Variants in MMACHC observed in about 807,000 individuals in gnomAD.
The protein encoded by MMACHC is cyanocobalamin reductase / alkylcobalamin dealkylase.
Under a neutral mutation model 17.6 loss-of-function variants are expected in MMACHC, and 14 were observed. That is an observed-to-expected ratio of 0.80 (90% CI 0.53 to 1.25). The LOEUF is 1.25. Ranked by LOEUF, MMACHC falls within the 50% of genes most tolerant of loss-of-function variation. MMACHC has a pLI of 0.00. For missense variants in MMACHC, 392 were observed against 364.5 expected (o/e 1.08, Z -0.62); for synonymous variants, 151 against 142.1 (o/e 1.06, Z -0.45).
intron 1 of MMACHC, among the ~76,000 whole-genome samples, chr1:45,505,915 AAC>A (rs1643613691): frequency 6.6e-6 from 1 of 152,164 alleles, no homozygotes; most frequent in Non-Finnish European, 1.5e-5. Flanking sequence ...AAAAAAAAAA[AAC>A]AAAACTGCCT....
rs1235862535 is a variant in MMACHC, at chr1:45,509,190, C to T, written c.824C>T (p.Ser275Leu). ...CGGAGCTGGCTCAGCCCCAGGGTCT[C>T]ACCACCTGCATCCCCTGGCCCTTGA... is the stretch of plus-strand genomic sequence containing the variant. ...RARSWLSPRVSPPASPGP is the reference protein window; with the variant it reads ...RARSWLSPRVLPPASPGP Residue 275 changes from serine (S) to leucine (L), a missense_variant, in exon 4 of 4, where the codon TCA becomes TTA. Physicochemically the swap from Ser to Leu is moderately radical, Grantham distance 145. Coordinates refer to ENST00000401061, the MANE Select transcript of MMACHC (RefSeq NM_015506.3). 1.9e-6 allele frequency: 3 copies of T among 1,614,138 alleles called. No individual in the cohort carries two copies. Among genetic ancestry groups the T allele is most frequent in the African/African-American group, 1.3e-5 (1 of 75,040 alleles).
chr1:45,506,319 C>A (rs1022775450), intron 1 of MMACHC, among the ~76,000 whole-genome samples: 7 of 152,114 alleles, frequency 4.6e-5, no homozygotes, highest in Admixed American at 3.9e-4. Context: ...TTTGAGAAAT[C>A]TCCGATCTTG....
In MMACHC at chr1:45,509,191, A is replaced by G. The variant is rs772267565; in HGVS notation, c.825A>G (p.Ser275=). 1.2e-6 allele frequency: 2 copies of G among 1,614,004 alleles called. No homozygotes were observed. Among genetic ancestry groups the G allele is most frequent in the South Asian group, 2.2e-5 (2 of 91,086 alleles). ...GGAGCTGGCTCAGCCCCAGGGTCTC[A>G]CCACCTGCATCCCCTGGCCCTTGAT... The part of the protein sequence containing the change: ...RARSWLSPRV[S]PPASPGP Residue 275 remains serine, a synonymous_variant, in exon 4 of 4, where the codon TCA becomes TCG. Transcript: ENST00000401061.
chr1:45,506,368 G>A (rs935292996), intron 1 of MMACHC, among the ~76,000 whole-genome samples: 2 of 152,178 alleles, frequency 1.3e-5, no homozygotes, highest in African/African-American at 4.8e-5. Flanking sequence ...TGGACTTGGA[G>A]GGCAAGTGCG....
At chr1:45,501,527 A>G (rs1032014558) in intron 1 of MMACHC, among the ~76,000 whole-genome samples, 15 of 152,214 alleles carry the variant, frequency 9.9e-5, no homozygotes, top group African/African-American at 3.4e-4. Context: ...AAGGAGGGTT[A>G]TGTACATCCC....
chr1:45,500,632 AG>A (rs1197978129), intron 1 of MMACHC, among the ~76,000 whole-genome samples: 1 of 152,158 alleles, frequency 6.6e-6, no homozygotes, highest in African/African-American at 2.4e-5. Flanking sequence ...TGGGAGGCCG[AG>A]GCGGGCGGAT....
intron 1 of MMACHC, among the ~76,000 whole-genome samples, chr1:45,506,195 G>A (rs751392311): frequency 2.0e-5 from 3 of 152,274 alleles, no homozygotes; most frequent in South Asian, 2.1e-4. Flanking sequence ...TGGCATGAAC[G>A]GCATTGAGGG....
chr1:45,512,692 T>C lies in MMACHC; in HGVS notation c.*3477T>C, dbSNP rs1311370390. The stretch of plus-strand genomic sequence containing the variant: ...TGGGTTCAGGAGACTAACCTATATG[T>C]AGGTTCCTAGGAAAGTCCAGTTAAA... On this transcript the variant is annotated 3_prime_UTR_variant, in exon 4 of 4. Transcript: ENST00000401061. The C allele has an allele frequency of 6.6e-6, 1 of 152,114 alleles. No individual in the cohort carries two copies. The highest frequency in any genetic ancestry group is 1.5e-5 in the Non-Finnish European group (1 of 68,000). 9.4% of individuals were successfully genotyped at this position (152,114 alleles called of 1,614,324 possible). A position where few individuals can be genotyped will look rare whatever the true frequency, so the allele number is the denominator to read the frequency against.
Position 45,511,196 on chromosome 1 carries a change from A to C in MMACHC, c.*1981A>C. 3 of 751,094 alleles carry C rather than the reference A, an allele frequency of 4.0e-6. No homozygotes were observed. Among genetic ancestry groups the C allele is most frequent in the Non-Finnish European group, 6.5e-6 (3 of 464,898 alleles). 46.5% of individuals were successfully genotyped at this position (751,094 alleles called of 1,614,324 possible). ...CTGGTCTCTCCACCCCCTGTAGGAA[A>C]GGCCTGCCTTGTAAGACACCACAAT... On this transcript the variant is annotated 3_prime_UTR_variant, in exon 4 of 4. Coordinates refer to ENST00000401061, the MANE Select transcript of MMACHC (RefSeq NM_015506.3).
chr1:45,508,955 A>T lies in MMACHC; in HGVS notation c.589A>T (p.Asn197Tyr). Residue 197 changes from asparagine to tyrosine, a missense_variant, in exon 4 of 4, where the codon AAT (asparagine) becomes TAT (tyrosine). Transcript: ENST00000401061. ...ADRIALLEGF[N>Y]FHWRDWTYRD... ...CCGTATCGCCCTACTCGAAGGCTTC[A>T]ATTTCCACTGGCGTGATTGGACTTA... The T allele has an allele frequency of 1.2e-6, 2 of 1,614,078 alleles. No individual in the cohort carries two copies. Among genetic ancestry groups the T allele is most frequent in the Non-Finnish European group, 1.7e-6 (2 of 1,180,008 alleles).
In MMACHC at chr1:45,510,545, G is replaced by A. The variant is rs1422064411; in HGVS notation, c.*1330G>A. 2 of 151,522 alleles carry A rather than the reference G, an allele frequency of 1.3e-5. No homozygotes were observed. Among genetic ancestry groups the A allele is most frequent in the Admixed American group, 1.3e-4 (2 of 15,156 alleles). The allele number at this position is 151,522 out of a possible 1,614,324, so 9.4% of individuals were successfully genotyped here. On this transcript the variant is annotated 3_prime_UTR_variant, in exon 4 of 4. Transcript: ENST00000401061. ...CTAAAAAAGACTATCTCTAATCAAG[G>A]CTAGAACCAAGGGAAGGCTAAGAAT...
At chr1:45,500,489 G>T in intron 1 of MMACHC, 76 bp downstream of exon 1, 1 of 1,407,214 alleles carries the variant, frequency 7.1e-7, no homozygotes, top group Non-Finnish European at 1.0e-6. Context: ...GGCCTCGGGA[G>T]CCTCTGATCC....
chr1:45,505,574 A>G (rs1643608594), intron 1 of MMACHC, among the ~76,000 whole-genome samples: 1 of 151,850 alleles, frequency 6.6e-6, no homozygotes, highest in African/African-American at 2.4e-5. Context: ...GATTGCAGGC[A>G]TGAGCCACCG....
Position 45,500,399 on chromosome 1 carries a change from G to A in MMACHC, c.67G>A (p.Val23Ile). ...EDTLCPFGFE[V>I]YPFQVAWYNE... ...CACGCTATGTCCTTTTGGCTTCGAG[G>A]TTTACCCCTTCCAGGTTAGTTTATC... The change falls in exon 1 of 4, where the codon GTT becomes ATT. Residue 23 changes from valine (V) to isoleucine (I), a missense_variant. By Grantham distance (29) the Val-to-Ile change is conservative. Coordinates refer to ENST00000401061, the MANE Select transcript of MMACHC (RefSeq NM_015506.3). 6.2e-7 allele frequency: 1 copy of A among 1,614,192 alleles called. No homozygotes were observed. Among genetic ancestry groups the A allele is most frequent in the South Asian group, 1.1e-5 (1 of 91,090 alleles).
rs1643735968 is a variant in MMACHC at position 45,511,173 on chromosome 1, G to T, written c.*1958G>T. ...CATTCCTACCAAAGGAAGAAAGGCT[G>T]GTCTCTCCACCCCCTGTAGGAAAGG... On this transcript the variant is annotated 3_prime_UTR_variant, in exon 4 of 4. Coordinates refer to ENST00000401061, the MANE Select transcript of MMACHC (RefSeq NM_015506.3). The T allele has an allele frequency of 4.8e-6, 3 of 622,416 alleles. No homozygotes were observed. In the South Asian group the frequency reaches 7.1e-5, roughly 15 times the overall value. The allele number at this position is 622,416 out of a possible 1,614,324, so 38.6% of individuals were successfully genotyped here.
At position 45,512,140 on chromosome 1, in the gene MMACHC, G is replaced by GCAATCTCCACCTCCGTCT. The variant is rs1553163399; in HGVS notation, c.*2928_*2945dup. Reference sequence around the variant, plus strand: ...GTTGCCCAGGCTGGAGTACGGTGGCGCAATCTCCACCTCCGTCTCACTGCA... The same window carrying GCAATCTCCACCTCCGTCT: ...GTTGCCCAGGCTGGAGTACGGTGGCGCAATCTCCACCTCCGTCTCAATCTCCACCTCCGTCTCACTGCA... On this transcript the variant is annotated 3_prime_UTR_variant, in exon 4 of 4. Transcript: ENST00000401061. 7.9e-6 allele frequency: 1 copy of GCAATCTCCACCTCCGTCT among 126,628 alleles called. No homozygotes were observed. Among genetic ancestry groups the GCAATCTCCACCTCCGTCT allele is most frequent in the African/African-American group, 3.0e-5 (1 of 33,478 alleles). 7.8% of individuals were successfully genotyped at this position (126,628 alleles called of 1,614,324 possible). A position where few individuals can be genotyped will look rare whatever the true frequency, so the allele number is the denominator to read the frequency against.
At chr1:45,506,021 A>C (rs935241937) in intron 1 of MMACHC, among the ~76,000 whole-genome samples, 4 of 152,202 alleles carry the variant, frequency 2.6e-5, no homozygotes, top group African/African-American at 9.6e-5. Flanking sequence ...CTCTGGATAT[A>C]GTAAAATTTT....
intron 2 of MMACHC, 48 bp from the exon 3 acceptor site, chr1:45,508,164 T>C: frequency 1.2e-6 from 2 of 1,607,960 alleles, no homozygotes; most frequent in Non-Finnish European, 1.7e-6. Flanking sequence ...GACAAGGTCA[T>C]AACTCCCCTC....
intron 1 of MMACHC, among the ~76,000 whole-genome samples, chr1:45,504,541 G>A (rs1218606979): frequency 1.3e-5 from 2 of 152,146 alleles, no homozygotes; most frequent in Non-Finnish European, 2.9e-5. Context: ...GGGAGACCCT[G>A]TCTCTACAAC....
Sources: gnomAD v4.1 joint callset for allele counts (sites outside exome capture counted in the v4.1 genomes callset) on GRCh38, gnomAD v4.1.1 for gene constraint, MANE v1.5 for transcripts, NCBI Gene and HGNC (gene_info 2026-07-23, HGNC 2026-07-21) for gene names.